The following PDE12 variants were observed in gnomAD, a reference collection of about 807,000 sequenced individuals.
PDE12 encodes the protein phosphodiesterase 12.
A neutral mutation model predicts 45.4 loss-of-function variants in PDE12; 26 were observed. That is an observed-to-expected ratio of 0.57 (90% CI 0.42 to 0.79). PDE12 has a LOEUF of 0.79. Ranked by LOEUF, PDE12 falls within the 30% of genes least tolerant of loss-of-function variation. PDE12 has a pLI of 0.00. For missense variants in PDE12, 668 were observed against 790.0 expected (o/e 0.85, Z 1.85); for synonymous variants, 283 against 323.9 (o/e 0.87, Z 1.36).
chr3:57,586,480 A>G, the PDE12 span, among the ~76,000 whole-genome samples: 1 of 151,996 alleles, frequency 6.6e-6, no homozygotes, highest in African/African-American at 2.4e-5. Flanking sequence ...AACCCTTTCT[A>G]CTCTGTACCC....
the PDE12 span, chr3:57,641,519 G>T: frequency 3.6e-6 from 2 of 561,240 alleles, no homozygotes; most frequent in Non-Finnish European, 5.7e-6. Flanking sequence ...TGGGAAATTA[G>T]CAGGAAATTA....
the PDE12 span, among the ~76,000 whole-genome samples, chr3:57,645,278 T>A: frequency 1.3e-5 from 2 of 151,858 alleles, no homozygotes; most frequent in African/African-American, 4.8e-5. Flanking sequence ...CTGATCAACA[T>A]GGTGAAACCC....
the PDE12 span, among the ~76,000 whole-genome samples, chr3:57,638,450 G>A: frequency 6.6e-6 from 1 of 151,862 alleles, no homozygotes; most frequent in Non-Finnish European, 1.5e-5. Context: ...CTGAGGTCAG[G>A]AGTTCGAGAC....
intron 1 of PDE12, 33 bp from the exon 2 acceptor site, chr3:57,559,277 A>G (rs772176432): frequency 9.9e-6 from 15 of 1,517,902 alleles, no homozygotes; most frequent in Non-Finnish European, 1.4e-5. Context: ...TGCAAATGCC[A>G]ACTGAACTCT....
At chr3:57,602,202 A>G in the PDE12 span, among the ~76,000 whole-genome samples, 2 of 152,214 alleles carry the variant, frequency 1.3e-5, no homozygotes, top group Admixed American at 1.3e-4. Context: ...AGTTTAATCC[A>G]TGCCACTCAC....
At chr3:57,577,558 TTTAA>T in the PDE12 span, among the ~76,000 whole-genome samples, 1 of 152,224 alleles carries the variant, frequency 6.6e-6, no homozygotes, top group East Asian at 1.9e-4. Flanking sequence ...TATTTGTAAG[TTTAA>T]TTTATTAGTG....
downstream of PDE12, among the ~76,000 whole-genome samples, chr3:57,569,665 C>G (rs751797328): frequency 2.0e-5 from 3 of 151,680 alleles, no homozygotes; most frequent in Non-Finnish European, 4.4e-5. Flanking sequence ...CTAATACTTT[C>G]TTTAAAAACT....
the PDE12 span, among the ~76,000 whole-genome samples, chr3:57,602,235 C>G: frequency 1.3e-5 from 2 of 152,176 alleles, no homozygotes; most frequent in Non-Finnish European, 2.9e-5. Flanking sequence ...GAGACTGATT[C>G]AATTCTGTTG....
downstream of PDE12, among the ~76,000 whole-genome samples, chr3:57,568,218 C>G (rs552086241): frequency 6.6e-6 from 1 of 151,908 alleles, no homozygotes; most frequent in South Asian, 2.1e-4. Context: ...AATCCCAGCA[C>G]TTTGGGAGGC....
At chr3:57,593,550 T>C in the PDE12 span, among the ~76,000 whole-genome samples, 2 of 152,176 alleles carry the variant, frequency 1.3e-5, no homozygotes, top group Non-Finnish European at 2.9e-5. Flanking sequence ...TACACTGATA[T>C]CAGCAAACTT....
chr3:57,629,478 A>G, the PDE12 span, among the ~76,000 whole-genome samples: 1 of 151,288 alleles, frequency 6.6e-6, no homozygotes. Flanking sequence ...TAGGCTGGTA[A>G]TACAGAACAT....
At chr3:57,637,241 G>A in the PDE12 span, among the ~76,000 whole-genome samples, 1 of 152,144 alleles carries the variant, frequency 6.6e-6, no homozygotes, top group African/African-American at 2.4e-5. Flanking sequence ...GCTGGTTACT[G>A]CCATCATTCA....
the PDE12 span, chr3:57,584,117 A>T: frequency 3.8e-6 from 3 of 798,478 alleles, no homozygotes; most frequent in Non-Finnish European, 6.0e-6. Context: ...TTTTATTTTT[A>T]AAAAATATAT....
the PDE12 span, among the ~76,000 whole-genome samples, chr3:57,633,537 C>T: frequency 2.0e-5 from 3 of 151,958 alleles, no homozygotes; most frequent in African/African-American, 7.3e-5. Context: ...TAATCTTTAC[C>T]GGAGCAAAAC....
the PDE12 span, chr3:57,596,899 G>T: frequency 1.2e-4 from 79 of 632,878 alleles, no homozygotes; most frequent in African/African-American, 1.2e-3. Flanking sequence ...TCGGGGGCGG[G>T]GGGGATCGCT....
intron 1 of PDE12, among the ~76,000 whole-genome samples, chr3:57,557,929 G>A (rs1414808381): frequency 6.6e-6 from 1 of 152,222 alleles, no homozygotes; most frequent in Admixed American, 6.5e-5. Flanking sequence ...GACTTTTACA[G>A]TGCTTACAAT....
At chr3:57,608,556 AT>A in the PDE12 span, among the ~76,000 whole-genome samples, 15 of 151,940 alleles carry the variant, frequency 9.9e-5, no homozygotes. Context: ...TGCCAAGCAA[AT>A]GGAAAACAAA....
At chr3:57,584,722 T>A in the PDE12 span, among the ~76,000 whole-genome samples, 1 of 152,164 alleles carries the variant, frequency 6.6e-6, no homozygotes, top group African/African-American at 2.4e-5. Flanking sequence ...TAGGCTCTAA[T>A]CTCTAGCTTT....
chr3:57,559,945 C>T lies in PDE12; in HGVS notation c.1771C>T (p.Pro591Ser). Residue 591 changes from proline (P) to serine (S), a missense_variant, in exon 3 of 3, where the codon CCT becomes TCT. Pro to Ser is a moderately conservative substitution (Grantham distance 74, BLOSUM62 -1). Around this residue, in one of 3 missense-constraint regions of PDE12, gnomAD observed 79 missense variants for 97.9 expected, o/e 0.81. Transcript: ENST00000311180. ...AGAAGTTACCACCCACCAGGCCTTA[C>T]CTAGTGTTTCCCATCCCTCTGATCA... ...HEEVTTHQAL[P>S]SVSHPSDHIA... 5 of 1,613,058 alleles carry T rather than the reference C, an allele frequency of 3.1e-6. No individual in the cohort carries two copies. The highest frequency in any genetic ancestry group is 4.2e-6 in the Non-Finnish European group (5 of 1,179,994).
Sources: gnomAD v4.1 joint callset for allele counts (sites outside exome capture counted in the v4.1 genomes callset) on GRCh38, gnomAD v4.1.1 for gene constraint, gnomAD v4.1.1 regional missense constraint, MANE v1.5 for transcripts, NCBI Gene and HGNC (gene_info 2026-07-23, HGNC 2026-07-21) for gene names.